Variants in HDGF observed in about 807,000 individuals in gnomAD.
HDGF encodes the protein hepatoma-derived growth factor.
A neutral mutation model predicts 30.0 loss-of-function variants in HDGF; 5 were observed. The observed-to-expected ratio is 0.17, with a 90% CI of 0.09 to 0.35. HDGF has a LOEUF of 0.35. Among genes scored for constraint, HDGF ranks in the 10% least tolerant of loss-of-function variants. The probability of loss-of-function intolerance (pLI) is 1.00; values close to 1 mark genes in which losing one functional copy is unlikely to be tolerated. For missense variants in HDGF, 214 were observed against 302.8 expected (o/e 0.71, Z 2.18); for synonymous variants, 133 against 112.7 (o/e 1.18, Z -1.14).
At chr1:156,748,584 T>C (rs567371608) in intron 1 of HDGF, among the ~76,000 whole-genome samples, 1 of 152,324 alleles carries the variant, frequency 6.6e-6, no homozygotes, top group South Asian at 2.1e-4. Context: ...CAGACAGGCC[T>C]GAGCACATGA....
intron 1 of HDGF, among the ~76,000 whole-genome samples, chr1:156,762,425 G>A (rs1179706049): frequency 6.6e-6 from 1 of 151,968 alleles, no homozygotes; most frequent in Non-Finnish European, 1.5e-5. Flanking sequence ...AAATTTAGCT[G>A]GGCAGAGTGG....
chr1:156,761,913 C>T (rs1651254637), intron 1 of HDGF, among the ~76,000 whole-genome samples: 1 of 143,452 alleles, frequency 7.0e-6, no homozygotes, highest in Non-Finnish European at 1.5e-5. Flanking sequence ...CGCCACTGCA[C>T]TCCAGCCTGG....
Position 156,744,974 on chromosome 1 carries a change from T to C in HDGF, c.303+34A>G, listed in dbSNP as rs757599269. 5 of 1,612,576 alleles carry C rather than the reference T, an allele frequency of 3.1e-6. No individual in the cohort carries two copies. The Admixed American group carries it at 8.3e-5, about 27-fold the overall frequency. The stretch of plus-strand genomic sequence containing the variant: ...GCCAGAGCCCACAGCCACATCTGCT[T>C]TCCAGGGGGTCTCTGGGGCAGGCGG... On this transcript the variant is annotated intron_variant, in intron 3 of 5. Coordinates refer to ENST00000357325, the MANE Select transcript of HDGF (RefSeq NM_004494.3).
chr1:156,747,250 GCCCCCCCCCCC>G (rs1314352449), intron 1 of HDGF, among the ~76,000 whole-genome samples: 2 of 14,164 alleles, frequency 1.4e-4, no homozygotes, highest in African/African-American at 3.0e-4. Context: ...CCTCCCCCCC[GCCCCCCCCCCC>G]CCGCCCCGCC....
At chr1:156,766,452 C>T (rs1289760657) in intron 1 of HDGF, among the ~76,000 whole-genome samples, 2 of 148,162 alleles carry the variant, frequency 1.3e-5, no homozygotes, top group African/African-American at 5.3e-5. Flanking sequence ...CAGTCACAGG[C>T]AGACAGGAAG....
chr1:156,749,022 G>T (rs1352934725), intron 1 of HDGF, among the ~76,000 whole-genome samples: 1 of 152,234 alleles, frequency 6.6e-6, no homozygotes, highest in African/African-American at 2.4e-5. Flanking sequence ...GAGGTTAATT[G>T]TTAAGAACTT....
intron 2 of HDGF, chr1:156,758,854 G>C (rs971598084): frequency 1.3e-5 from 2 of 152,284 alleles, no homozygotes; most frequent in African/African-American, 4.8e-5. Context: ...ATTTGTCCAG[G>C]AGAAAGACAT....
At chr1:156,759,412 C>G (rs1651206605) in intron 1 of HDGF, among the ~76,000 whole-genome samples, 1 of 151,214 alleles carries the variant, frequency 6.6e-6, no homozygotes. Flanking sequence ...ACACTTTGCT[C>G]TTTTTTACTC....
intron 2 of HDGF, among the ~76,000 whole-genome samples, chr1:156,758,604 T>TAAATCCATAA (rs1651192964): frequency 1.0e-5 from 1 of 96,450 alleles, no homozygotes; most frequent in African/African-American, 3.8e-5. Flanking sequence ...AAAAAAAAAA[T>TAAATCCATAA]AAATAAATAA....
At chr1:156,752,544 G>C, upstream of HDGF, 1 of 617,286 alleles carries the variant, frequency 1.6e-6, no homozygotes, top group Non-Finnish European at 2.8e-6. Context: ...GTGGGGAGGG[G>C]GGTCTGGGAA....
chr1:156,750,311 T>G (rs538381554), intron 1 of HDGF, among the ~76,000 whole-genome samples: 1 of 152,238 alleles, frequency 6.6e-6, no homozygotes, highest in East Asian at 1.9e-4. Context: ...ACACCAACTT[T>G]AAGTTGCCAA....
In HDGF at chr1:156,751,624, G is replaced by T. The variant is rs1010584200; in HGVS notation, c.-195C>A. 36 of 985,914 alleles carry T rather than the reference G, an allele frequency of 3.7e-5. No homozygotes were observed. The highest frequency in any genetic ancestry group is 4.1e-5 in the Non-Finnish European group (34 of 831,058). The allele number at this position is 985,914 out of a possible 1,614,324, so 61.1% of individuals were successfully genotyped here. On this transcript the variant is annotated 5_prime_UTR_variant, in exon 1 of 6. Coordinates refer to ENST00000357325, the MANE Select transcript of HDGF (RefSeq NM_004494.3). This position sits in a 1 kb window ranked among gnomAD's most constrained non-coding sequence, Gnocchi z 4.7. ...CGCACGGACGGGGCGGGCGCGGATC[G>T]GGGCAAGGCTCCGGCGCGGTGGGTG... is the stretch of plus-strand genomic sequence containing the variant.
intron 1 of HDGF, among the ~76,000 whole-genome samples, chr1:156,766,301 C>T (rs879443235): frequency 1.9e-4 from 29 of 152,202 alleles, no homozygotes; most frequent in Non-Finnish European, 3.2e-4. Context: ...CTTCAGCCTC[C>T]TCCCAAAACC....
chr1:156,757,037 C>G (rs1651165186), upstream of HDGF, among the ~76,000 whole-genome samples: 1 of 152,030 alleles, frequency 6.6e-6, no homozygotes, highest in South Asian at 2.1e-4. Context: ...AGGTGATCCA[C>G]CTCCCTCAGC....
chr1:156,752,233 T>C, upstream of HDGF: 5 of 1,551,790 alleles, frequency 3.2e-6, no homozygotes, highest in Non-Finnish European at 4.4e-6. Flanking sequence ...GCTTACCGTA[T>C]GGGGGGTGGC....
At position 156,745,474 on chromosome 1, in the gene HDGF, A is replaced by G. The variant is rs950141179; in HGVS notation, c.88-101T>C. ...GGCACATTTATATAAAATCAGACTG[A>G]GAGGGACCCAGGATAGTCAGCAAGA... On this transcript the variant is annotated intron_variant, in intron 1 of 5. Coordinates refer to ENST00000357325, the MANE Select transcript of HDGF (RefSeq NM_004494.3). The G allele has an allele frequency of 6.3e-6, 6 of 950,662 alleles. No homozygotes were observed. The African/African-American group carries it at 8.2e-5, about 13-fold the overall frequency. 58.9% of individuals were successfully genotyped at this position (950,662 alleles called of 1,614,324 possible).
At chr1:156,747,227 A>AC (rs1650619709) in intron 1 of HDGF, among the ~76,000 whole-genome samples, 1 of 26,360 alleles carries the variant, frequency 3.8e-5, no homozygotes, top group Non-Finnish European at 6.7e-5. Context: ...CAGGAATGTG[A>AC]CCGCCCCTCC....
At chr1:156,752,251 A>G (rs1467815553), upstream of HDGF, 7 of 1,551,620 alleles carry the variant, frequency 4.5e-6, no homozygotes, top group African/African-American at 4.1e-5. Flanking sequence ...GGCCCTGGAA[A>G]CGTCGGGGAT....
chr1:156,744,935 G>T, intron 3 of HDGF, 73 bp downstream of exon 3: 1 of 1,559,930 alleles, frequency 6.4e-7, no homozygotes, highest in Non-Finnish European at 8.8e-7. Flanking sequence ...AGCATCATCT[G>T]TGGGCCGGGG....
Sources: allele counts gnomAD v4.1 joint callset (sites outside exome capture counted in the v4.1 genomes callset), GRCh38; gene constraint gnomAD v4.1.1; non-coding constraint Gnocchi (gnomAD v3.1); transcripts MANE v1.5; gene names NCBI Gene and HGNC (gene_info 2026-07-23, HGNC 2026-07-21).